MED13L: variants seen among roughly 807,000 people sequenced by gnomAD.
MED13L encodes the protein mediator of RNA polymerase II transcription subunit 13-like.
MED13L carries 7 observed loss-of-function variants against 220.9 expected under a neutral mutation model. The observed-to-expected ratio is 0.03, with a 90% CI of 0.02 to 0.06. The LOEUF is 0.06. MED13L is among the 10% of genes least tolerant of loss of function. The pLI is 1.00. For synonymous variants in MED13L, 1,011 were observed against 1,015.2 expected, an observed-to-expected ratio of 1.00 and a Z score of 0.08; for missense variants, 1,965 against 2,760.5, an observed-to-expected ratio of 0.71 and a Z score of 6.46.
intron 9 of MED13L, among the ~76,000 whole-genome samples, chr12:116,012,374 T>A (rs569271140): frequency 3.3e-5 from 5 of 152,334 alleles, no homozygotes; most frequent in African/African-American, 1.2e-4. Flanking sequence ...CAAATACCTG[T>A]CTCGATCAAA....
chr12:116,163,080 A>AT (rs1018841234), intron 2 of MED13L, among the ~76,000 whole-genome samples: 5 of 152,252 alleles, frequency 3.3e-5, no homozygotes, highest in African/African-American at 9.6e-5. Flanking sequence ...TTATTTCAGA[A>AT]TTTTTTATGA....
intron 2 of MED13L, among the ~76,000 whole-genome samples, chr12:116,220,911 A>T (rs757978872): frequency 9.9e-5 from 15 of 152,188 alleles, no homozygotes; most frequent in Non-Finnish European, 2.1e-4. Context: ...TATACTACTG[A>T]ATATACTACT....
chr12:116,037,271 A>G (rs1331706785), intron 4 of MED13L, among the ~76,000 whole-genome samples: 1 of 152,224 alleles, frequency 6.6e-6, no homozygotes, highest in Non-Finnish European at 1.5e-5. Context: ...CACCACAAGG[A>G]GAAAACTCCA....
chr12:115,983,339 G>A lies in MED13L; in HGVS notation c.4733C>T (p.Ser1578Phe), dbSNP rs898633108. The A allele has an allele frequency of 3.7e-6, 6 of 1,614,222 alleles. No homozygotes were observed. Among genetic ancestry groups the A allele is most frequent in the Non-Finnish European group, 5.1e-6 (6 of 1,180,030 alleles). ...SSSTNPAASSSASGSSVPPVS... is the reference protein window; with the variant it reads ...SSSTNPAASSFASGSSVPPVS... The stretch of plus-strand genomic sequence containing the variant: ...CGGTGGCACAGAGGAACCAGATGCA[G>A]AACTACTTGCTGCAGGATTTGTAGA... The change falls in exon 21 of 31, where the codon TCT becomes TTT. Residue 1578 changes from serine (S) to phenylalanine (F), a missense_variant. Around this residue, in one of 10 missense-constraint regions of MED13L, gnomAD observed 510 missense variants for 620.4 expected, o/e 0.82. Transcript: ENST00000281928.
chr12:116,223,076 C>T (rs1868598289), intron 2 of MED13L, among the ~76,000 whole-genome samples: 1 of 152,128 alleles, frequency 6.6e-6, no homozygotes, highest in Non-Finnish European at 1.5e-5. Flanking sequence ...TCAGCTAAGC[C>T]ATATTACTTA....
At chr12:116,105,130 G>A (rs562364624) in intron 3 of MED13L, among the ~76,000 whole-genome samples, 16 of 152,308 alleles carry the variant, frequency 1.1e-4, no homozygotes, top group African/African-American at 3.6e-4. Flanking sequence ...CTTGAAAAAT[G>A]ATTGCAGATT....
chr12:115,968,960 A>G lies in MED13L; in HGVS notation c.6205T>C (p.Ser2069Pro). The G allele has an allele frequency of 6.2e-7, 1 of 1,614,028 alleles. No individual in the cohort carries two copies. The highest frequency in any genetic ancestry group is 8.5e-7 in the Non-Finnish European group (1 of 1,179,962). Residue 2069 changes from serine to proline, a missense_variant, in exon 28 of 31, where the codon TCT (serine) becomes CCT (proline). This residue lies in a region of MED13L where 145 missense variants were observed against 328.3 expected (regional missense o/e 0.44). Transcript: ENST00000281928. ...CTTACCCGACTATGCTGGAAGTGAG[A>G]GCCCACACCAATTCCAGAAGGAGAG... ...PGSPSGIGVG[S>P]HFQHSRSQGE...
At chr12:116,118,809 G>C (rs1459567077) in intron 2 of MED13L, among the ~76,000 whole-genome samples, 1 of 152,130 alleles carries the variant, frequency 6.6e-6, no homozygotes, top group Non-Finnish European at 1.5e-5. Flanking sequence ...CTAAGAACTA[G>C]GAATGCTCTC....
At chr12:116,224,656 GGTTTGTT>G (rs1218797390) in intron 2 of MED13L, among the ~76,000 whole-genome samples, 1 of 151,966 alleles carries the variant, frequency 6.6e-6, no homozygotes, top group African/African-American at 2.4e-5. Flanking sequence ...TACCGTTTGG[GGTTTGTT>G]GTTTGTTGTT....
At chr12:116,204,930 G>A (rs1882218832) in intron 2 of MED13L, among the ~76,000 whole-genome samples, 2 of 152,190 alleles carry the variant, frequency 1.3e-5, no homozygotes, top group Admixed American at 1.3e-4. Context: ...CCAAGAAAAA[G>A]CAGCAGTGTA....
At chr12:116,005,730 G>C (rs1879007712) in intron 13 of MED13L, 139 bp downstream of exon 13, 1 of 1,128,576 alleles carries the variant, frequency 8.9e-7, no homozygotes, top group East Asian at 2.4e-5. Context: ...CCAGTATACA[G>C]ACATTTATAA....
chr12:116,238,151 T>C (rs1870274055), intron 1 of MED13L, among the ~76,000 whole-genome samples: 1 of 152,218 alleles, frequency 6.6e-6, no homozygotes, highest in Non-Finnish European at 1.5e-5. Context: ...TTTAAGTCCT[T>C]TTTTAATTAG....
intron 4 of MED13L, among the ~76,000 whole-genome samples, chr12:116,065,162 G>A (rs1381338176): frequency 6.6e-6 from 1 of 152,092 alleles, no homozygotes; most frequent in Non-Finnish European, 1.5e-5. Context: ...CCAATATCAA[G>A]TGCCATACAT....
At chr12:116,232,522 T>A (rs1163247740) in intron 2 of MED13L, among the ~76,000 whole-genome samples, 1 of 152,218 alleles carries the variant, frequency 6.6e-6, no homozygotes, top group African/African-American at 2.4e-5. Context: ...TTTCACAAAT[T>A]TATTATAAGT....
At chr12:116,235,162 TTC>T (rs1452985619) in intron 2 of MED13L, among the ~76,000 whole-genome samples, 8 of 152,218 alleles carry the variant, frequency 5.3e-5, no homozygotes, top group African/African-American at 1.9e-4. Context: ...GCTAGATATT[TTC>T]TGTTATTAGG....
At chr12:115,994,902 G>A (rs988501526) in intron 16 of MED13L, among the ~76,000 whole-genome samples, 3 of 152,138 alleles carry the variant, frequency 2.0e-5, no homozygotes, top group African/African-American at 7.2e-5. Context: ...GTCATTAGTC[G>A]TTGAAGCATT....
intron 4 of MED13L, among the ~76,000 whole-genome samples, chr12:116,023,498 C>T (rs1174809009): frequency 2.6e-5 from 4 of 152,208 alleles, no homozygotes; most frequent in African/African-American, 9.6e-5. Flanking sequence ...AAAGATGCTG[C>T]TTCTTTTCAA....
At chr12:116,200,752 T>C (rs1397965107) in intron 2 of MED13L, among the ~76,000 whole-genome samples, 1 of 152,228 alleles carries the variant, frequency 6.6e-6, no homozygotes, top group African/African-American at 2.4e-5. Flanking sequence ...TCAATAAATT[T>C]GAATTTTTTA....
At chr12:116,079,953 G>T (rs1045776914) in intron 4 of MED13L, among the ~76,000 whole-genome samples, 1 of 151,882 alleles carries the variant, frequency 6.6e-6, no homozygotes, top group Non-Finnish European at 1.5e-5. Flanking sequence ...ACCATGGGCC[G>T]CATGTGGCCC....
Sources: allele counts gnomAD v4.1 joint callset (sites outside exome capture counted in the v4.1 genomes callset), GRCh38; gene constraint gnomAD v4.1.1; regional missense constraint gnomAD v4.1.1; transcripts MANE v1.5; gene names NCBI Gene and HGNC (gene_info 2026-07-23, HGNC 2026-07-21).